The following RASGRP2 variants were observed in gnomAD, a reference collection of about 807,000 sequenced individuals.
The protein encoded by RASGRP2 is RAS guanyl releasing protein 2.
Under a neutral mutation model 71.0 loss-of-function variants are expected in RASGRP2, and 44 were observed. The observed-to-expected ratio is 0.62, with a 90% CI of 0.49 to 0.80. RASGRP2 has a LOEUF of 0.80. Ranked by LOEUF, RASGRP2 falls within the 30% of genes least tolerant of loss-of-function variation. The probability of loss-of-function intolerance (pLI) is 0.00; values close to 1 mark genes in which losing one functional copy is unlikely to be tolerated. For missense variants in RASGRP2, 663 were observed against 813.4 expected, an observed-to-expected ratio of 0.82 and a Z score of 2.25; for synonymous variants, 350 against 330.7, an observed-to-expected ratio of 1.06 and a Z score of -0.63.
chr11:64,729,877 T>TA (rs1323072623), intron 13 of RASGRP2, 79 bp from the exon 14 acceptor site: 12 of 1,589,604 alleles, frequency 7.5e-6, no homozygotes, highest in Non-Finnish European at 1.0e-5. Context: ...AGGGTGAGAC[T>TA]AGGGCTTTAG....
chr11:64,735,392 C>T lies in RASGRP2; in HGVS notation c.1296+150G>A, dbSNP rs904773394. 1 of 1,458,914 alleles carries T rather than the reference C, an allele frequency of 6.9e-7. No homozygotes were observed. Among genetic ancestry groups the T allele is most frequent in the Middle Eastern group, 1.7e-4 (1 of 5,768 alleles). 90.4% of individuals were successfully genotyped at this position (1,458,914 alleles called of 1,614,324 possible). A position where few individuals can be genotyped will look rare whatever the true frequency, so the allele number is the denominator to read the frequency against. ...TCCACCCCCACCCTACCCAGGGGCA[C>T]TTCAGCCCCGTGCAGCTGGCCTGCC... On this transcript the variant is annotated intron_variant, in intron 11 of 16. Transcript: ENST00000394432. The surrounding 1 kb of genome is among the most constrained non-coding windows in gnomAD (Gnocchi z 4.2).
chr11:64,735,887 G>A lies in RASGRP2; in HGVS notation c.1173+16C>T, dbSNP rs1303628747. The A allele has an allele frequency of 1.9e-6, 3 of 1,611,302 alleles. No homozygotes were observed. The highest frequency in any genetic ancestry group is 2.5e-6 in the Non-Finnish European group (3 of 1,178,178). ...GGAGGGAAGGGCAGAGTGGAGAGGA[G>A]GGAGTACCCCCTCACCGAGGACTTG... On this transcript the variant is annotated intron_variant, in intron 10 of 16. Transcript: ENST00000394432. This position sits in a 1 kb window ranked among gnomAD's most constrained non-coding sequence, Gnocchi z 4.2.
chr11:64,744,922 G>A (rs2058258435), upstream of RASGRP2: 1 of 147,154 alleles, frequency 6.8e-6, no homozygotes, highest in Non-Finnish European at 1.5e-5. Flanking sequence ...CCCCTGCGCG[G>A]AGCTCCGCAC....
At position 64,735,845 on chromosome 11, in the gene RASGRP2, A is replaced by G; in HGVS notation, c.1173+58T>C. The G allele has an allele frequency of 1.3e-6, 2 of 1,551,464 alleles. No individual in the cohort carries two copies. The highest frequency in any genetic ancestry group is 1.8e-5 in the Admixed American group (1 of 56,200). ...GCTGCTAAGAGCTCTTCCCATCCTC[A>G]CATCCTGGGATTCTCAGGAGGGAAG... On this transcript the variant is annotated intron_variant, in intron 10 of 16. Transcript: ENST00000394432. The surrounding 1 kb of genome is among the most constrained non-coding windows in gnomAD (Gnocchi z 4.2).
chr11:64,736,941 T>A lies in RASGRP2; in HGVS notation c.907A>T (p.Ile303Phe). 1.2e-6 allele frequency: 2 copies of A among 1,613,892 alleles called. No individual in the cohort carries two copies. Among genetic ancestry groups the A allele is most frequent in the Non-Finnish European group, 8.5e-7 (1 of 1,180,024 alleles). ...AGGTCCTTGAGGTGCACACCCAGGATCGGGAAGCGGAAGCCCACACAGGCT... is the reference window on the plus strand; with the variant it reads ...AGGTCCTTGAGGTGCACACCCAGGAACGGGAAGCGGAAGCCCACACAGGCT... ...LAACVGFRFP[I>F]LGVHLKDLVA... Residue 303 changes from isoleucine (I) to phenylalanine (F), a missense_variant, in exon 9 of 17, where the codon ATC becomes TTC. Coordinates refer to ENST00000394432, the MANE Select transcript of RASGRP2 (RefSeq NM_001098671.2).
chr11:64,740,141 G>A lies in RASGRP2; in HGVS notation c.394C>T (p.Gln132Ter). Reference sequence around the variant, plus strand: ...CCCACAGGGTTCCGCTGAGTCACCTGCCGCTTCCACTTGTAGGTAGGGCTG... The same window carrying A: ...CCCACAGGGTTCCGCTGAGTCACCTACCGCTTCCACTTGTAGGTAGGGCTG... Reference protein sequence around the residue: ...DSVPTYKWKRQVTQRNPVGQK... With the variant: ...DSVPTYKWKR Residue 132 changes from glutamine to a stop codon, truncating the protein, a stop_gained, in exon 6 of 17, where the codon CAG (glutamine) becomes TAG (stop). Transcript: ENST00000394432. LOFTEE classifies it high-confidence loss of function. 1 of 1,614,138 alleles carries A rather than the reference G, an allele frequency of 6.2e-7. No individual in the cohort carries two copies. The highest frequency in any genetic ancestry group is 1.1e-5 in the South Asian group (1 of 91,080).
chr11:64,742,088 G>C lies in RASGRP2; in HGVS notation c.98C>G (p.Pro33Arg), dbSNP rs1309241170. 1.2e-6 allele frequency: 2 copies of C among 1,604,254 alleles called. 1 individual carries two copies. The highest frequency in any genetic ancestry group is 4.5e-5 in the East Asian group (2 of 44,398). The change falls in exon 3 of 17, where the codon CCG becomes CGG. Residue 33 changes from proline (P) to arginine (R), a missense_variant. Coordinates refer to ENST00000394432, the MANE Select transcript of RASGRP2 (RefSeq NM_001098671.2). The surrounding 1 kb of genome is among the most constrained non-coding windows in gnomAD (Gnocchi z 4.7). Reference sequence around the variant, plus strand: ...CATGAGGAACATGCGCACCAGCTGCGGGTCCCGCACCTTCCCGGAGTCATC... The same window carrying C: ...CATGAGGAACATGCGCACCAGCTGCCGGTCCCGCACCTTCCCGGAGTCATC... Reference protein sequence around the residue: ...AFDDSGKVRDPQLVRMFLMMH... With the variant: ...AFDDSGKVRDRQLVRMFLMMH...
At position 64,735,675 on chromosome 11, in the gene RASGRP2, G is replaced by T. The variant is rs2057911201; in HGVS notation, c.1174-11C>A. 1 of 1,606,038 alleles carries T rather than the reference G, an allele frequency of 6.2e-7. No homozygotes were observed. Among genetic ancestry groups the T allele is most frequent in the African/African-American group, 1.3e-5 (1 of 74,984 alleles). ...CGTGGGGCTGGTTGGCTATGGAAAT[G>T]GTCGGGCCTGAGCTAGGGCCAGAGG... On this transcript the variant is annotated splice_polypyrimidine_tract_variant and intron_variant, in intron 10 of 16. Transcript: ENST00000394432. The surrounding 1 kb of genome is among the most constrained non-coding windows in gnomAD (Gnocchi z 4.2).
At chr11:64,740,857 C>T (rs1565518104) in intron 5 of RASGRP2, 91 bp downstream of exon 5, 8 of 1,522,076 alleles carry the variant, frequency 5.3e-6, no homozygotes, top group Non-Finnish European at 7.3e-6. Flanking sequence ...GCAACATGAC[C>T]CTCACTCATT....
intron 15 of RASGRP2, 90 bp from the exon 16 acceptor site, chr11:64,727,450 T>A (rs978867312): frequency 3.3e-6 from 4 of 1,205,510 alleles, no homozygotes; most frequent in Non-Finnish European, 3.6e-6. Context: ...ATCCACATCA[T>A]CCCAGAAGCA....
intron 15 of RASGRP2, among the ~76,000 whole-genome samples, chr11:64,728,452 G>C (rs2057645557): frequency 1.3e-5 from 2 of 151,304 alleles, no homozygotes. Context: ...TTCTGAGACG[G>C]AGTCTTGCTC....
At position 64,740,999 on chromosome 11, in the gene RASGRP2, A is replaced by T. The variant is rs2058103664; in HGVS notation, c.320T>A (p.Leu107Gln). The change falls in exon 5 of 17, where the codon CTA (leucine) becomes CAA (glutamine). Residue 107 changes from leucine to glutamine, a missense_variant. Coordinates refer to ENST00000394432, the MANE Select transcript of RASGRP2 (RefSeq NM_001098671.2). ...AEQIKELKAL[L>Q]DQEGNRRHSS... ...GTGCCGTCGGTTCCCTTCTTGGTCT[A>T]GCAGAGCCTTCAGCTCCTTGATCTG... is the stretch of plus-strand genomic sequence containing the variant. 1 of 1,613,094 alleles carries T rather than the reference A, an allele frequency of 6.2e-7. No homozygotes were observed. The highest frequency in any genetic ancestry group is 8.5e-7 in the Non-Finnish European group (1 of 1,179,872).
chr11:64,734,389 T>C (rs553718381), intron 12 of RASGRP2, among the ~76,000 whole-genome samples: 2 of 151,906 alleles, frequency 1.3e-5, no homozygotes, highest in Non-Finnish European at 2.9e-5. Flanking sequence ...CTGGCCTGAA[T>C]TGATCCTGCC....
At position 64,735,907 on chromosome 11, in the gene RASGRP2, G is replaced by A; in HGVS notation, c.1169C>T (p.Ser390Phe). 1 of 1,613,720 alleles carries A rather than the reference G, an allele frequency of 6.2e-7. No homozygotes were observed. Among genetic ancestry groups the A allele is most frequent in the African/African-American group, 1.3e-5 (1 of 75,012 alleles). Residue 390 changes from serine to phenylalanine, a missense_variant, in exon 10 of 17, where the codon TCC (serine) becomes TTC (phenylalanine). Coordinates refer to ENST00000394432, the MANE Select transcript of RASGRP2 (RefSeq NM_001098671.2). This position sits in a 1 kb window ranked among gnomAD's most constrained non-coding sequence, Gnocchi z 4.2. ...GAGGAGGGAGTACCCCCTCACCGAG[G>A]ACTTGGAGCGCGGCTCCCGCTGCAG... ...LSLQREPRSK[S>F]SPTSPTSCTP...
chr11:64,734,247 G>A (rs542490571), intron 12 of RASGRP2, among the ~76,000 whole-genome samples: 34 of 151,880 alleles, frequency 2.2e-4, no homozygotes, highest in South Asian at 4.2e-4. Context: ...AGGAAGTGGA[G>A]GTTGCAGCGA....
chr11:64,743,087 C>A lies in RASGRP2; in HGVS notation c.-71-150G>T. 1.1e-6 allele frequency: 1 copy of A among 877,752 alleles called. No individual in the cohort carries two copies. Among genetic ancestry groups the A allele is most frequent in the Non-Finnish European group, 1.8e-6 (1 of 549,474 alleles). 54.4% of individuals were successfully genotyped at this position (877,752 alleles called of 1,614,324 possible). ...ACTCCCGGGGTTAAACGGTCTGGCCCGGGATGGTGCAACCCGCCAGTTGGG... is the reference window on the plus strand; with the variant it reads ...ACTCCCGGGGTTAAACGGTCTGGCCAGGGATGGTGCAACCCGCCAGTTGGG... On this transcript the variant is annotated intron_variant, in intron 1 of 16. Transcript: ENST00000394432. The surrounding 1 kb of genome is among the most constrained non-coding windows in gnomAD (Gnocchi z 4.9).
At chr11:64,740,388 A>T in intron 5 of RASGRP2, 1 of 696,614 alleles carries the variant, frequency 1.4e-6, no homozygotes, top group Non-Finnish European at 2.7e-6. Flanking sequence ...GCACTGTGCT[A>T]GGCGCTGGGA....
chr11:64,737,373 A>T (rs528237011), intron 8 of RASGRP2: 2 of 360,632 alleles, frequency 5.5e-6, no homozygotes, highest in African/African-American at 4.2e-5. Context: ...TCCAAACAGC[A>T]AAAACTGGAA....
rs2057714627 is a variant in RASGRP2, at chr11:64,730,085, G to A, written c.1522C>T (p.Arg508Cys). The change falls in exon 13 of 17, where the codon CGC becomes TGC. Residue 508 changes from arginine (R) to cysteine (C), a missense_variant. Physicochemically the swap from Arg to Cys is radical, Grantham distance 180 (BLOSUM62 -3). Coordinates refer to ENST00000394432, the MANE Select transcript of RASGRP2 (RefSeq NM_001098671.2). Reference protein sequence around the residue: ...VHNFQESNSLRPVACRHCKAL... With the variant: ...VHNFQESNSLCPVACRHCKAL... ...TTGCAGTGGCGGCAGGCGACGGGGC[G>A]CAAGGAGTTGCTCTCCTGGAAGTTG... is the stretch of plus-strand genomic sequence containing the variant. 3 of 1,550,158 alleles carry A rather than the reference G, an allele frequency of 1.9e-6. No homozygotes were observed. The highest frequency in any genetic ancestry group is 2.4e-5 in the South Asian group (2 of 84,054).
Sources: gnomAD v4.1 joint callset for allele counts (sites outside exome capture counted in the v4.1 genomes callset) on GRCh38, gnomAD v4.1.1 for gene constraint, Gnocchi (gnomAD v3.1) non-coding constraint, MANE v1.5 for transcripts, NCBI Gene and HGNC (gene_info 2026-07-23, HGNC 2026-07-21) for gene names.